Variants in PRDM1 observed in about 807,000 individuals in gnomAD.
PRDM1 encodes the protein PR domain zinc finger protein 1.
Under a neutral mutation model 62.8 loss-of-function variants are expected in PRDM1, and 13 were observed. That is an observed-to-expected ratio of 0.21 (90% CI 0.13 to 0.33). The LOEUF (loss-of-function observed/expected upper bound fraction) is 0.33, where lower values mean the gene tolerates loss of function less well. PRDM1 is among the 10% of genes least tolerant of loss of function. The pLI, the probability that PRDM1 is intolerant of heterozygous loss-of-function variation, is 1.00. For synonymous variants in PRDM1, 396 were observed against 417.6 expected (o/e 0.95, Z 0.63); for missense variants, 895 against 1,058.8 (o/e 0.85, Z 2.15).
intron 1 of PRDM1, among the ~76,000 whole-genome samples, chr6:106,067,604 A>T (rs1773453141): frequency 6.6e-6 from 1 of 152,208 alleles, no homozygotes; most frequent in Admixed American, 6.5e-5. Flanking sequence ...TGTGCTAAGT[A>T]AAATAAGCCA....
At chr6:105,997,998 C>G (rs1463128954) in intron 1 of PRDM1, among the ~76,000 whole-genome samples, 1 of 152,106 alleles carries the variant, frequency 6.6e-6, no homozygotes, top group Non-Finnish European at 1.5e-5. Context: ...TAGAAATATT[C>G]TATTAGAAAA....
At chr6:106,026,504 TAATAA>T (rs1294302667) in intron 1 of PRDM1, among the ~76,000 whole-genome samples, 19 of 151,402 alleles carry the variant, frequency 1.3e-4, no homozygotes, top group African/African-American at 2.7e-4. Flanking sequence ...ATAATAATAA[TAATAA>T]AATAAAATAA....
chr6:106,011,624 C>G (rs534738140), intron 1 of PRDM1, among the ~76,000 whole-genome samples: 1 of 152,064 alleles, frequency 6.6e-6, no homozygotes, highest in Non-Finnish European at 1.5e-5. Context: ...TCTCACCCCC[C>G]GCCCCCTGCA....
intron 1 of PRDM1, among the ~76,000 whole-genome samples, chr6:106,042,441 C>T (rs201225843): frequency 1.3e-5 from 2 of 151,302 alleles, no homozygotes; most frequent in African/African-American, 4.8e-5. Context: ...GCAGGAGAAT[C>T]GCTTGAACCT....
intron 1 of PRDM1, among the ~76,000 whole-genome samples, chr6:106,080,330 T>A (rs1190279316): frequency 1.3e-5 from 2 of 152,186 alleles, no homozygotes; most frequent in East Asian, 3.9e-4. Flanking sequence ...CCCGTGAGCA[T>A]GATTAGCTGT....
intron 1 of PRDM1, among the ~76,000 whole-genome samples, chr6:106,036,497 T>G (rs1054755579): frequency 1.3e-5 from 2 of 152,214 alleles, no homozygotes; most frequent in South Asian, 4.1e-4. Flanking sequence ...ACTAAATTAG[T>G]TCAATAACAT....
chr6:106,062,514 C>T (rs1162258943), intron 1 of PRDM1, among the ~76,000 whole-genome samples: 1 of 152,158 alleles, frequency 6.6e-6, no homozygotes, highest in African/African-American at 2.4e-5. Flanking sequence ...CTGGCTCTTA[C>T]TAAAGTAATT....
chr6:106,093,870 T>G (rs1433129257), intron 2 of PRDM1, among the ~76,000 whole-genome samples: 1 of 152,216 alleles, frequency 6.6e-6, no homozygotes, highest in African/African-American at 2.4e-5. Context: ...AATAACACTC[T>G]TGTTTCAACT....
At chr6:106,054,493 T>C (rs1299312193) in intron 1 of PRDM1, among the ~76,000 whole-genome samples, 1 of 152,208 alleles carries the variant, frequency 6.6e-6, no homozygotes, top group African/African-American at 2.4e-5. Context: ...TTTAAGAATA[T>C]GTCAAGTATT....
At chr6:106,005,582 G>A (rs368190269) in intron 1 of PRDM1, among the ~76,000 whole-genome samples, 21 of 152,094 alleles carry the variant, frequency 1.4e-4, no homozygotes, top group Admixed American at 3.3e-4. Flanking sequence ...CTTTCAATTC[G>A]AAACTTTGGG....
chr6:106,008,498 C>A (rs1562143302), intron 1 of PRDM1, among the ~76,000 whole-genome samples: 1 of 146,286 alleles, frequency 6.8e-6, no homozygotes, highest in African/African-American at 2.5e-5. Context: ...CCCACCCTTT[C>A]ACACTCTTTT....
chr6:106,077,436 G>T (rs1773621518), intron 1 of PRDM1, among the ~76,000 whole-genome samples: 1 of 152,164 alleles, frequency 6.6e-6, no homozygotes, highest in Admixed American at 6.5e-5. Flanking sequence ...GGAGCCCAAG[G>T]CTCCCTGTTT....
At chr6:106,035,467 G>A (rs1322540828) in intron 1 of PRDM1, among the ~76,000 whole-genome samples, 1 of 151,824 alleles carries the variant, frequency 6.6e-6, no homozygotes, top group African/African-American at 2.4e-5. Flanking sequence ...CGTCTCTATA[G>A]AAACTTAAAA....
intron 3 of PRDM1, chr6:106,096,044 G>C (rs10046286): frequency 8.2e-6 from 2 of 244,242 alleles, no homozygotes; most frequent in Non-Finnish European, 1.6e-5. Flanking sequence ...GCATTTCTCC[G>C]CAAGGAAGTA....
intron 1 of PRDM1, among the ~76,000 whole-genome samples, chr6:106,080,902 A>G (rs1329551472): frequency 1.3e-5 from 2 of 152,174 alleles, no homozygotes; most frequent in Non-Finnish European, 1.5e-5. Flanking sequence ...ATGCCTACTG[A>G]ACAATAACTC....
chr6:106,091,467 T>A (rs1354143572), intron 2 of PRDM1, among the ~76,000 whole-genome samples: 1 of 152,226 alleles, frequency 6.6e-6, no homozygotes, highest in African/African-American at 2.4e-5. Context: ...AACAACTTTG[T>A]TCACTTCACT....
exon 1 of PRDM1, among the ~76,000 whole-genome samples, chr6:106,048,625 A>G (rs1296913147): frequency 6.6e-6 from 1 of 152,186 alleles, no homozygotes; most frequent in African/African-American, 2.4e-5. Context: ...GAGTTCAGTT[A>G]GTGAACCTGC....
At chr6:106,026,354 C>G (rs1290285587) in intron 1 of PRDM1, among the ~76,000 whole-genome samples, 2 of 152,058 alleles carry the variant, frequency 1.3e-5, no homozygotes, top group Admixed American at 6.6e-5. Context: ...TGGCGCGTGC[C>G]TGTAATCCCA....
intron 1 of PRDM1, among the ~76,000 whole-genome samples, chr6:106,032,816 T>C (rs1041815367): frequency 6.6e-6 from 1 of 152,230 alleles, no homozygotes; most frequent in African/African-American, 2.4e-5. Context: ...ATTTGGCACC[T>C]TTCTTACTAT....
Sources: gnomAD v4.1 joint callset for allele counts (sites outside exome capture counted in the v4.1 genomes callset) on GRCh38, gnomAD v4.1.1 for gene constraint, MANE v1.5 for transcripts, NCBI Gene and HGNC (gene_info 2026-07-23, HGNC 2026-07-21) for gene names.